Variants in SMURF1 observed in about 807,000 individuals in gnomAD.
SMURF1 encodes the protein E3 ubiquitin-protein ligase SMURF1.
SMURF1 carries 44 observed loss-of-function variants against 98.0 expected under a neutral mutation model. The ratio of observed to expected loss-of-function variants is 0.45; its 90% CI spans 0.35 to 0.58. The LOEUF (loss-of-function observed/expected upper bound fraction) is 0.58. Among genes scored for constraint, SMURF1 ranks in the 20% least tolerant of loss-of-function variants. SMURF1 has a pLI of 0.00. For missense variants in SMURF1, 687 were observed against 938.4 expected (o/e 0.73, Z 3.50); for synonymous variants, 396 against 374.9 (o/e 1.06, Z -0.65).
At chr7:99,079,582 A>C (rs145342920) in intron 1 of SMURF1, among the ~76,000 whole-genome samples, 5 of 152,358 alleles carry the variant, frequency 3.3e-5, no homozygotes, top group Middle Eastern at 3.4e-3. Flanking sequence ...AGCTAACTAC[A>C]TACTAAGCTA....
intron 8 of SMURF1, 59 bp downstream of exon 8, chr7:99,051,298 G>A: frequency 7.6e-7 from 1 of 1,316,854 alleles, no homozygotes. Flanking sequence ...GGAAGGTATT[G>A]GCTTTTCAAG....
In SMURF1 at chr7:99,143,824, CCCCAGCCCGG is replaced by C; in HGVS notation, c.-54_-45del. 6.6e-7 allele frequency: 1 copy of C among 1,506,592 alleles called. No individual in the cohort carries two copies. Among genetic ancestry groups the C allele is most frequent in the Admixed American group, 2.2e-5 (1 of 45,966 alleles). The allele number at this position is 1,506,592 out of a possible 1,614,324, so 93.3% of individuals were successfully genotyped here. On this transcript the variant is annotated 5_prime_UTR_variant, in exon 1 of 18. Transcript: ENST00000361368. The stretch of plus-strand genomic sequence containing the variant: ...CAGCCGCGGATCCAGCGCCACCGCC[CCCCAGCCCGG>C]CCCGGCCCGGCCCCGCCGCCGCCGC...
intron 1 of SMURF1, among the ~76,000 whole-genome samples, chr7:99,065,763 C>T (rs868004070): frequency 9.2e-5 from 14 of 152,066 alleles, no homozygotes; most frequent in African/African-American, 3.1e-4. Flanking sequence ...AAGGCACAAG[C>T]GAGGCTGGGC....
At chr7:99,107,761 T>C (rs1584187723) in intron 1 of SMURF1, among the ~76,000 whole-genome samples, 1 of 152,178 alleles carries the variant, frequency 6.6e-6, no homozygotes, top group South Asian at 2.1e-4. Context: ...TGGTATTAAG[T>C]GGCATTCCCG....
intron 1 of SMURF1, among the ~76,000 whole-genome samples, chr7:99,117,539 C>T (rs1028813543): frequency 2.5e-4 from 38 of 151,298 alleles, no homozygotes; most frequent in Admixed American, 1.1e-3. Context: ...TTAGTAGAGA[C>T]GGGGTTTCAC....
At chr7:99,057,632 C>G (rs1438041823) in intron 3 of SMURF1, 81 bp from the exon 4 acceptor site, 1 of 1,413,674 alleles carries the variant, frequency 7.1e-7, no homozygotes, top group Non-Finnish European at 9.2e-7. Flanking sequence ...AGATAGAATC[C>G]TGCTCTGTTG....
chr7:99,059,124 G>T (rs1035156788), intron 3 of SMURF1, among the ~76,000 whole-genome samples: 4 of 151,498 alleles, frequency 2.6e-5, no homozygotes, highest in Non-Finnish European at 5.9e-5. Flanking sequence ...AATAGGCCGG[G>T]CGCGGTGGCT....
chr7:99,042,281 A>AT (rs112221381), intron 11 of SMURF1, 49 bp from the exon 12 acceptor site: 33,587 of 1,085,376 alleles, frequency 0.031, 11 homozygotes, highest in Non-Finnish European at 0.033. Context: ...AAATTTCTAC[A>AT]TTTTTTTTTT....
chr7:99,106,107 A>G (rs1038170721), intron 1 of SMURF1, among the ~76,000 whole-genome samples: 2 of 152,132 alleles, frequency 1.3e-5, no homozygotes, highest in Non-Finnish European at 2.9e-5. Context: ...TTCCCTTCCC[A>G]ATGTAAAATT....
At chr7:99,038,232 C>T (rs981416636) in intron 14 of SMURF1, among the ~76,000 whole-genome samples, 156 bp downstream of exon 14, 4 of 152,192 alleles carry the variant, frequency 2.6e-5, no homozygotes, top group Non-Finnish European at 5.9e-5. Flanking sequence ...TGCTGCTGAG[C>T]TGTCGGTTTC....
intron 1 of SMURF1, 31 bp downstream of exon 1, chr7:99,143,695 G>A (rs1358494567): frequency 1.3e-6 from 2 of 1,538,062 alleles, no homozygotes; most frequent in African/African-American, 1.4e-5. Context: ...AGGGGGCGCC[G>A]GGGCGCGGGT....
intron 17 of SMURF1, chr7:99,030,907 C>A (rs1191721323): frequency 2.4e-6 from 1 of 417,090 alleles, no homozygotes; most frequent in Admixed American, 4.0e-5. Flanking sequence ...GCTAGGTTGC[C>A]CAGGCTGCTC....
At chr7:99,103,135 T>C (rs1363096611) in intron 1 of SMURF1, among the ~76,000 whole-genome samples, 1 of 152,274 alleles carries the variant, frequency 6.6e-6, no homozygotes. Context: ...TGGTGGCACA[T>C]GTAATTGTAC....
chr7:99,045,838 T>C, intron 10 of SMURF1, 37 bp from the exon 11 acceptor site: 1 of 1,491,222 alleles, frequency 6.7e-7, no homozygotes, highest in East Asian at 2.3e-5. Context: ...GAGAAGAACA[T>C]TCTTATTCTT....
intron 1 of SMURF1, among the ~76,000 whole-genome samples, chr7:99,120,184 G>A (rs968360184): frequency 2.0e-5 from 3 of 152,156 alleles, no homozygotes; most frequent in Admixed American, 6.5e-5. Flanking sequence ...GAAACTTCCT[G>A]AGGCCTCCCC....
Position 99,040,526 on chromosome 7 carries a change from G to A in SMURF1, c.1402C>T (p.Arg468Trp). 3 of 1,508,964 alleles carry A rather than the reference G, an allele frequency of 2.0e-6. No homozygotes were observed. Among genetic ancestry groups the A allele is most frequent in the South Asian group, 2.6e-5 (2 of 75,734 alleles). 93.5% of individuals were successfully genotyped at this position (1,508,964 alleles called of 1,614,324 possible). A position where few individuals can be genotyped will look rare whatever the true frequency, so the allele number is the denominator to read the frequency against. The part of the protein sequence containing the change: ...DHLSYFHFVG[R>W]IMGLAVFHGH... ...TGGAACACAGCCAGCCCCATGATCC[G>A]CCCCACAAAGTGGAAATAAGACAAG... The change falls in exon 13 of 18, where the codon CGG becomes TGG. Residue 468 changes from arginine (R) to tryptophan (W), a missense_variant. Arg to Trp is a moderately radical substitution (Grantham distance 101). Coordinates refer to ENST00000361368, the MANE Select transcript of SMURF1 (RefSeq NM_181349.3).
chr7:99,042,389 C>T (rs1795420610), intron 11 of SMURF1, among the ~76,000 whole-genome samples, 157 bp from the exon 12 acceptor site: 1 of 152,010 alleles, frequency 6.6e-6, no homozygotes. Context: ...AAGTGATTTT[C>T]CTGCCTCCCG....
intron 1 of SMURF1, among the ~76,000 whole-genome samples, chr7:99,066,676 G>A (rs893737755): frequency 6.6e-6 from 1 of 151,880 alleles, no homozygotes; most frequent in African/African-American, 2.4e-5. Flanking sequence ...TACTTGGAAG[G>A]CAGAGATGGG....
chr7:99,062,147 TGCAGGGGCATGATCATA>T (rs1257201230), intron 1 of SMURF1, among the ~76,000 whole-genome samples: 3 of 150,256 alleles, frequency 2.0e-5, no homozygotes, highest in Non-Finnish European at 4.4e-5. Context: ...CAGGCTGGAG[TGCAGGGGCATGATCATA>T]GCTCATTGCA....
Sources: gnomAD v4.1 joint callset for allele counts (sites outside exome capture counted in the v4.1 genomes callset) on GRCh38, gnomAD v4.1.1 for gene constraint, MANE v1.5 for transcripts, NCBI Gene and HGNC (gene_info 2026-07-23, HGNC 2026-07-21) for gene names.